The following LLPH variants were observed in gnomAD, a reference collection of about 807,000 sequenced individuals.
The protein encoded by LLPH is LLP homolog, long-term synaptic facilitation factor.
A neutral mutation model predicts 13.3 loss-of-function variants in LLPH; 5 were observed. That is an observed-to-expected ratio of 0.38 (90% CI 0.20 to 0.79). LLPH has a LOEUF of 0.79. LLPH is among the 30% of genes least tolerant of loss of function. The pLI is 0.45. For missense variants in LLPH, 129 were observed against 152.1 expected (o/e 0.85, Z 0.80); for synonymous variants, 32 against 44.2 (o/e 0.72, Z 1.09).
Position 66,120,885 on chromosome 12 carries a change from G to A in LLPH, c.*2955C>T, listed in dbSNP as rs1287928072. The A allele has an allele frequency of 6.6e-6, 1 of 152,232 alleles. No homozygotes were observed. Among genetic ancestry groups the A allele is most frequent in the African/African-American group, 2.4e-5 (1 of 41,452 alleles). The allele number at this position is 152,232 out of a possible 1,614,324, so 9.4% of individuals were successfully genotyped here. ...TTTCCTGCCAATATTTGGAGGTGGG[G>A]AGAATCTTGCTGGTAGTGTTCAGGA... is the stretch of plus-strand genomic sequence containing the variant. On this transcript the variant is annotated 3_prime_UTR_variant, in exon 3 of 3. Transcript: ENST00000266604.
At chr12:66,127,707 A>ATG (rs1016320093) in intron 2 of LLPH, among the ~76,000 whole-genome samples, 20 of 152,348 alleles carry the variant, frequency 1.3e-4, no homozygotes, top group African/African-American at 4.6e-4. Flanking sequence ...GGGAGGGGTG[A>ATG]TGTGTGTGTG....
In LLPH at chr12:66,118,785, G is replaced by A. The variant is rs2051445275; in HGVS notation, c.*5055C>T. ...TTTAGTGACATATGACTATATATGG[G>A]AGGATGGGCATGGGTTATATGCAAA... On this transcript the variant is annotated 3_prime_UTR_variant, in exon 3 of 3. Coordinates refer to ENST00000266604, the MANE Select transcript of LLPH (RefSeq NM_032338.4). The A allele has an allele frequency of 6.6e-6, 1 of 152,196 alleles. No homozygotes were observed. Among genetic ancestry groups the A allele is most frequent in the Admixed American group, 6.5e-5 (1 of 15,280 alleles). 9.4% of individuals were successfully genotyped at this position (152,196 alleles called of 1,614,324 possible).
intron 2 of LLPH, among the ~76,000 whole-genome samples, chr12:66,126,963 C>CA (rs2051501391): frequency 6.6e-6 from 1 of 151,356 alleles, no homozygotes; most frequent in Non-Finnish European, 1.5e-5. Context: ...AAACAAAAAC[C>CA]AAAAAACACT....
At chr12:66,125,939 A>C (rs2051493437) in intron 2 of LLPH, among the ~76,000 whole-genome samples, 1 of 152,250 alleles carries the variant, frequency 6.6e-6, no homozygotes, top group African/African-American at 2.4e-5. Context: ...AATTGTAATT[A>C]ATACCCTTAG....
intron 2 of LLPH, 77 bp downstream of exon 2, chr12:66,128,819 C>T: frequency 1.0e-6 from 1 of 986,200 alleles, no homozygotes; most frequent in Non-Finnish European, 1.5e-6. Flanking sequence ...GCACTCTAGC[C>T]TAGGTGACAG....
rs544608297 is a variant in LLPH at position 66,125,219 on chromosome 12, A to T, written c.212-1201T>A. ...AATGAGAAGGGAACAAGAGCGGAAG[A>T]GAGAAGTAAAAAGGCTCCTATAATA... On this transcript the variant is annotated intron_variant, in intron 2 of 2. Coordinates refer to ENST00000266604, the MANE Select transcript of LLPH (RefSeq NM_032338.4). Among the ~76,000 whole-genome samples the T allele has an allele frequency of 5.9e-5, 9 of 152,376 alleles. No homozygotes were observed. In the South Asian group the frequency reaches 1.9e-3, roughly 32 times the overall value.
At position 66,128,880 on chromosome 12, in the gene LLPH, G is replaced by T. The variant is rs1219125445; in HGVS notation, c.211+16C>A. On this transcript the variant is annotated intron_variant, in intron 2 of 2. Transcript: ENST00000266604. ...AAAAAAAAAAAAAGAGAAAGAAAAAGGAGAAGCACACTCACCTTTTTCATC... is the reference window on the plus strand; with the variant it reads ...AAAAAAAAAAAAAGAGAAAGAAAAATGAGAAGCACACTCACCTTTTTCATC... 1.1e-5 allele frequency: 17 copies of T among 1,493,122 alleles called. No homozygotes were observed. The highest frequency in any genetic ancestry group is 1.4e-5 in the African/African-American group (1 of 70,518). The allele number at this position is 1,493,122 out of a possible 1,614,324, so 92.5% of individuals were successfully genotyped here. A position where few individuals can be genotyped will look rare whatever the true frequency, so the allele number is the denominator to read the frequency against.
rs2051514544 is a variant in LLPH, at chr12:66,128,889, C to T, written c.211+7G>A. 5 of 1,569,962 alleles carry T rather than the reference C, an allele frequency of 3.2e-6. No homozygotes were observed. The highest frequency in any genetic ancestry group is 1.4e-5 in the African/African-American group (1 of 73,126). On this transcript the variant is annotated splice_region_variant and intron_variant, in intron 2 of 2. Transcript: ENST00000266604. ...AAAAGAGAAAGAAAAAGGAGAAGCACACTCACCTTTTTCATCTTTTACCTC... is the reference window on the plus strand; with the variant it reads ...AAAAGAGAAAGAAAAAGGAGAAGCATACTCACCTTTTTCATCTTTTACCTC...
chr12:66,128,152 A>G (rs898041270), intron 2 of LLPH, among the ~76,000 whole-genome samples: 1 of 152,214 alleles, frequency 6.6e-6, no homozygotes, highest in Non-Finnish European at 1.5e-5. Context: ...AATGGGAAGA[A>G]GAAAAAGTTA....
Position 66,120,199 on chromosome 12 carries a change from A to G in LLPH, c.*3641T>C, listed in dbSNP as rs2051454470. ...CCTAGAGATTTGAGGAGGGTTCTGT[A>G]CATCATTATTCTACTTAAACCTGCT... On this transcript the variant is annotated 3_prime_UTR_variant, in exon 3 of 3. Coordinates refer to ENST00000266604, the MANE Select transcript of LLPH (RefSeq NM_032338.4). 1 of 152,232 alleles carries G rather than the reference A, an allele frequency of 6.6e-6. No individual in the cohort carries two copies. Among genetic ancestry groups the G allele is most frequent in the African/African-American group, 2.4e-5 (1 of 41,464 alleles). The allele number at this position is 152,232 out of a possible 1,614,324, so 9.4% of individuals were successfully genotyped here. A position where few individuals can be genotyped will look rare whatever the true frequency, so the allele number is the denominator to read the frequency against.
rs1415978127 is a variant in LLPH, at chr12:66,121,086, C to T, written c.*2754G>A. ...AGTTAAATCCTGAATGGACAAACTT[C>T]ATGACTGGACACAATGAAGTGAAAA... is the stretch of plus-strand genomic sequence containing the variant. On this transcript the variant is annotated 3_prime_UTR_variant, in exon 3 of 3. Coordinates refer to ENST00000266604, the MANE Select transcript of LLPH (RefSeq NM_032338.4). 6 of 152,138 alleles carry T rather than the reference C, an allele frequency of 3.9e-5. No individual in the cohort carries two copies. Among genetic ancestry groups the T allele is most frequent in the Non-Finnish European group, 5.9e-5 (4 of 68,024 alleles). The allele number at this position is 152,138 out of a possible 1,614,324, so 9.4% of individuals were successfully genotyped here. A position where few individuals can be genotyped will look rare whatever the true frequency, so the allele number is the denominator to read the frequency against.
At chr12:66,129,366 G>T (rs926225209) in intron 1 of LLPH, among the ~76,000 whole-genome samples, 2 of 151,474 alleles carry the variant, frequency 1.3e-5, no homozygotes, top group Non-Finnish European at 2.9e-5. Flanking sequence ...AACCAATTCT[G>T]AAAGCACCTT....
In LLPH at chr12:66,118,934, A is replaced by T. The variant is rs1189346253; in HGVS notation, c.*4906T>A. The T allele has an allele frequency of 6.6e-6, 1 of 152,208 alleles. No individual in the cohort carries two copies. Among genetic ancestry groups the T allele is most frequent in the Non-Finnish European group, 1.5e-5 (1 of 68,046 alleles). The allele number at this position is 152,208 out of a possible 1,614,324, so 9.4% of individuals were successfully genotyped here. On this transcript the variant is annotated 3_prime_UTR_variant, in exon 3 of 3. Transcript: ENST00000266604. ...ACAGTGTTTGAATCCATTTTGCTAC[A>T]TTCCAACCAAATGCCTGTCCACCTT...
At position 66,117,291 on chromosome 12, in the gene LLPH, A is replaced by C. The variant is rs1284732676; in HGVS notation, c.*6549T>G. On this transcript the variant is annotated 3_prime_UTR_variant, in exon 3 of 3. Coordinates refer to ENST00000266604, the MANE Select transcript of LLPH (RefSeq NM_032338.4). ...ACAGTATAACAACTATTTACATAGC[A>C]TTTTCATTGTATTATAAGTAATCTA... The C allele has an allele frequency of 6.6e-6, 1 of 152,192 alleles. No individual in the cohort carries two copies. Among genetic ancestry groups the C allele is most frequent in the East Asian group, 1.9e-4 (1 of 5,198 alleles). 9.4% of individuals were successfully genotyped at this position (152,192 alleles called of 1,614,324 possible). A position where few individuals can be genotyped will look rare whatever the true frequency, so the allele number is the denominator to read the frequency against.
intron 2 of LLPH, among the ~76,000 whole-genome samples, chr12:66,125,803 C>G (rs2051492674): frequency 6.6e-6 from 1 of 151,690 alleles, no homozygotes; most frequent in Non-Finnish European, 1.5e-5. Flanking sequence ...CCACTGATCA[C>G]CAGACATTTG....
intron 2 of LLPH, among the ~76,000 whole-genome samples, chr12:66,126,286 T>C (rs1336507099): frequency 6.7e-6 from 1 of 148,280 alleles, no homozygotes; most frequent in African/African-American, 2.5e-5. Context: ...ATCATGCCAC[T>C]GCACTCCAGC....
chr12:66,124,049 C>T (rs1330626446), intron 2 of LLPH, 31 bp from the exon 3 acceptor site: 3 of 1,510,570 alleles, frequency 2.0e-6, no homozygotes, highest in Non-Finnish European at 2.7e-6. Flanking sequence ...ACTATTAACA[C>T]CATGTATGAA....
rs1455296107 is a variant in LLPH at position 66,123,603 on chromosome 12, T to C, written c.*237A>G. On this transcript the variant is annotated 3_prime_UTR_variant, in exon 3 of 3. Transcript: ENST00000266604. ...GTTGAGGCCTGATTATAACTGGATA[T>C]TGGGTAGCATCCAGTTAAAGTATCA... 3.9e-6 allele frequency: 2 copies of C among 513,072 alleles called. No individual in the cohort carries two copies. The highest frequency in any genetic ancestry group is 6.9e-6 in the Non-Finnish European group (2 of 290,636). The allele number at this position is 513,072 out of a possible 1,614,324, so 31.8% of individuals were successfully genotyped here.
At chr12:66,124,474 G>A (rs796420491) in intron 2 of LLPH, among the ~76,000 whole-genome samples, 17 of 152,264 alleles carry the variant, frequency 1.1e-4, no homozygotes, top group African/African-American at 3.9e-4. Flanking sequence ...GCAGAGACAG[G>A]CACTCAACAG....
Sources: gnomAD v4.1 joint callset for allele counts (sites outside exome capture counted in the v4.1 genomes callset) on GRCh38, gnomAD v4.1.1 for gene constraint, MANE v1.5 for transcripts, NCBI Gene and HGNC (gene_info 2026-07-23, HGNC 2026-07-21) for gene names.